Variants in CSNK1E observed in about 807,000 individuals in gnomAD.
CSNK1E encodes the protein casein kinase I isoform epsilon.
Under a neutral mutation model 46.1 loss-of-function variants are expected in CSNK1E, and 17 were observed. The ratio of observed to expected loss-of-function variants is 0.37; its 90% CI spans 0.25 to 0.55. The LOEUF (loss-of-function observed/expected upper bound fraction) is 0.55, where lower values mean the gene tolerates loss of function less well. Ranked by LOEUF, CSNK1E falls within the 20% of genes least tolerant of loss-of-function variation. The pLI, the probability that CSNK1E is intolerant of heterozygous loss-of-function variation, is 0.82. For synonymous variants in CSNK1E, 241 were observed against 242.6 expected (o/e 0.99, Z 0.06); for missense variants, 386 against 595.4 (o/e 0.65, Z 3.66).
At chr22:38,315,929 A>G (rs2092743262) in intron 1 of CSNK1E, among the ~76,000 whole-genome samples, 1 of 151,974 alleles carries the variant, frequency 6.6e-6, no homozygotes, top group African/African-American at 2.4e-5. Context: ...CCTGACTGCT[A>G]TGTGCCAGCC....
At chr22:38,295,590 T>G (rs1351924613) in intron 7 of CSNK1E, 1 of 152,656 alleles carries the variant, frequency 6.6e-6, no homozygotes, top group African/African-American at 2.4e-5. Context: ...AAGTAGTGGC[T>G]AGGACCAGAA....
intron 9 of CSNK1E, among the ~76,000 whole-genome samples, 195 bp from the exon 10 acceptor site, chr22:38,293,514 C>T (rs1056645249): frequency 3.3e-5 from 5 of 151,968 alleles, no homozygotes; most frequent in Non-Finnish European, 7.4e-5. Flanking sequence ...TAAGATGTCC[C>T]TGTCTGTAGC....
At chr22:38,316,125 T>G (rs2092744436) in intron 1 of CSNK1E, among the ~76,000 whole-genome samples, 1 of 147,448 alleles carries the variant, frequency 6.8e-6, no homozygotes, top group East Asian at 2.1e-4. Context: ...ATAAACAAAG[T>G]GGGGGGAAAA....
chr22:38,317,612 G>T (rs1203242254), upstream of CSNK1E, among the ~76,000 whole-genome samples: 1 of 152,012 alleles, frequency 6.6e-6, no homozygotes, highest in Non-Finnish European at 1.5e-5. Context: ...GCGTGGGGGT[G>T]GGGGAGCACA....
intron 2 of CSNK1E, among the ~76,000 whole-genome samples, chr22:38,308,231 A>G (rs2092706648): frequency 6.6e-6 from 1 of 152,230 alleles, no homozygotes; most frequent in Admixed American, 6.5e-5. Flanking sequence ...GATTTTTAAT[A>G]AAAGAAAAAG....
At chr22:38,306,309 A>G (rs1303543677) in intron 2 of CSNK1E, among the ~76,000 whole-genome samples, 2 of 152,230 alleles carry the variant, frequency 1.3e-5, no homozygotes. Flanking sequence ...ATACTGTGTT[A>G]TAAGTTGCAA....
In CSNK1E at chr22:38,294,312, AC is replaced by A; in HGVS notation, c.1078+29del. On this transcript the variant is annotated intron_variant, in intron 8 of 10. Transcript: ENST00000396832. This position sits in a 1 kb window ranked among gnomAD's most constrained non-coding sequence, Gnocchi z 5.5. The stretch of plus-strand genomic sequence containing the variant: ...AAACAGAGCCCCCCACCCACCCTGA[AC>A]CCAGCCCACTGCCTGAGTCCCTGCT... The A allele has an allele frequency of 6.3e-7, 1 of 1,590,250 alleles. No homozygotes were observed. Among genetic ancestry groups the A allele is most frequent in the Non-Finnish European group, 8.5e-7 (1 of 1,170,616 alleles).
At chr22:38,310,005 T>C (rs1480605428) in intron 2 of CSNK1E, among the ~76,000 whole-genome samples, 1 of 152,172 alleles carries the variant, frequency 6.6e-6, no homozygotes, top group African/African-American at 2.4e-5. Context: ...TTACAACCGC[T>C]AAGCTGAGGT....
intron 4 of CSNK1E, 149 bp from the exon 5 acceptor site, chr22:38,301,101 G>A: frequency 1.5e-6 from 1 of 655,396 alleles, no homozygotes; most frequent in Non-Finnish European, 2.7e-6. Flanking sequence ...GGCCAGAGAA[G>A]GCCTCCTGGA....
chr22:38,313,602 C>T (rs527633860), intron 2 of CSNK1E, among the ~76,000 whole-genome samples: 4 of 152,354 alleles, frequency 2.6e-5, no homozygotes, highest in South Asian at 4.1e-4. Context: ...CATCCCCCCA[C>T]CCCACCCCCG....
chr22:38,317,611 TG>T (rs1260994372), upstream of CSNK1E, among the ~76,000 whole-genome samples: 2 of 149,472 alleles, frequency 1.3e-5, no homozygotes, highest in Admixed American at 1.3e-4. Context: ...CGCGTGGGGG[TG>T]GGGGAGCACA....
In CSNK1E at chr22:38,294,778, C is replaced by T. The variant is rs1013771066; in HGVS notation, c.886-244G>A. Among the ~76,000 whole-genome samples, 1 of 152,184 alleles carries T rather than the reference C, an allele frequency of 6.6e-6. No homozygotes were observed. Among genetic ancestry groups the T allele is most frequent in the African/African-American group, 2.4e-5 (1 of 41,438 alleles). ...TGGGGGCAGAGGGAGGTCAGTCTGCCCTGCTCTCCTGGGATGGAGCCAGAG... is the reference window on the plus strand; with the variant it reads ...TGGGGGCAGAGGGAGGTCAGTCTGCTCTGCTCTCCTGGGATGGAGCCAGAG... On this transcript the variant is annotated intron_variant, in intron 7 of 10. Transcript: ENST00000396832. The surrounding 1 kb of genome is among the most constrained non-coding windows in gnomAD (Gnocchi z 5.5).
At chr22:38,296,076 C>T (rs762596392) in intron 7 of CSNK1E, 13 of 788,184 alleles carry the variant, frequency 1.6e-5, no homozygotes, top group Non-Finnish European at 2.0e-5. Context: ...AGCCAGCAGC[C>T]AAGCAGAGGG....
At chr22:38,310,265 G>A (rs2092715246) in intron 2 of CSNK1E, among the ~76,000 whole-genome samples, 1 of 152,218 alleles carries the variant, frequency 6.6e-6, no homozygotes, top group South Asian at 2.1e-4. Flanking sequence ...ACAGTGGAGG[G>A]AATGCCAGTT....
chr22:38,303,028 G>A lies in CSNK1E; in HGVS notation c.188-19C>T, dbSNP rs1373610760. 2.5e-6 allele frequency: 4 copies of A among 1,591,192 alleles called. No homozygotes were observed. The highest frequency in any genetic ancestry group is 4.5e-5 in the East Asian group (2 of 43,988). On this transcript the variant is annotated intron_variant, in intron 3 of 10. Transcript: ENST00000396832. This position sits in a 1 kb window ranked among gnomAD's most constrained non-coding sequence, Gnocchi z 4.7. The stretch of plus-strand genomic sequence containing the variant: ...ATCCCCACTGGGGGTCAAGCAGAGG[G>A]CCTCTGTCAGGGGTCAGAGGCAGGC...
chr22:38,295,301 G>C lies in CSNK1E; in HGVS notation c.886-767C>G, dbSNP rs541923787. 24 of 459,062 alleles carry C rather than the reference G, an allele frequency of 5.2e-5. 1 individual carries two copies. The South Asian group carries it at 2.1e-3, about 40-fold the overall frequency. The allele number at this position is 459,062 out of a possible 1,614,324, so 28.4% of individuals were successfully genotyped here. A position where few individuals can be genotyped will look rare whatever the true frequency, so the allele number is the denominator to read the frequency against. ...ACCCTAAGCCCCCAGGTGCCCTGCTGTCCAGCCACTGCCGCCCCTGGTGCA... is the reference window on the plus strand; with the variant it reads ...ACCCTAAGCCCCCAGGTGCCCTGCTCTCCAGCCACTGCCGCCCCTGGTGCA... On this transcript the variant is annotated intron_variant, in intron 7 of 10. Transcript: ENST00000396832.
chr22:38,316,674 C>T (rs2092747618), intron 1 of CSNK1E: 1 of 152,268 alleles, frequency 6.6e-6, no homozygotes, highest in Non-Finnish European at 1.5e-5. Flanking sequence ...CCTTAGGACC[C>T]CCAAACGCCC....
At chr22:38,307,923 C>T (rs1787778138) in intron 2 of CSNK1E, among the ~76,000 whole-genome samples, 2 of 152,188 alleles carry the variant, frequency 1.3e-5, no homozygotes, top group Admixed American at 1.3e-4. Context: ...CTCCTGGGCT[C>T]AAGTGATTCA....
chr22:38,294,166 G>A lies in CSNK1E; in HGVS notation c.1161C>T (p.Asn387=), dbSNP rs948284018. ...GCCCAGTGAGGTCTGAGGAGGAGAC[G>A]TTGGCGGGCGCACCCCTGTGCAGCC... The part of the protein sequence containing the change: ...SMRLHRGAPA[N]VSSSDLTGRQ... The change falls in exon 9 of 11, where the codon AAC becomes AAT. Residue 387 remains asparagine (N), a synonymous_variant. Transcript: ENST00000396832. This position sits in a 1 kb window ranked among gnomAD's most constrained non-coding sequence, Gnocchi z 5.5. 8 of 1,612,114 alleles carry A rather than the reference G, an allele frequency of 5.0e-6. No homozygotes were observed. Among genetic ancestry groups the A allele is most frequent in the East Asian group, 4.5e-5 (2 of 44,886 alleles).
Sources: gnomAD v4.1 joint callset for allele counts (sites outside exome capture counted in the v4.1 genomes callset) on GRCh38, gnomAD v4.1.1 for gene constraint, Gnocchi (gnomAD v3.1) non-coding constraint, MANE v1.5 for transcripts, NCBI Gene and HGNC (gene_info 2026-07-23, HGNC 2026-07-21) for gene names.